Variants in PDXDC1 observed in about 807,000 individuals in gnomAD.
PDXDC1 encodes pyridoxal-dependent decarboxylase domain-containing protein 1.
Under a neutral mutation model 100.1 loss-of-function variants are expected in PDXDC1, and 42 were observed. The ratio of observed to expected loss-of-function variants is 0.42; its 90% CI spans 0.33 to 0.54. The LOEUF (loss-of-function observed/expected upper bound fraction) is 0.54, where lower values mean the gene tolerates loss of function less well. Ranked by LOEUF, PDXDC1 falls within the 20% of genes least tolerant of loss-of-function variation. The pLI, the probability that PDXDC1 is intolerant of heterozygous loss-of-function variation, is 0.10. For missense variants in PDXDC1, 636 were observed against 979.2 expected (o/e 0.65, Z 4.68); for synonymous variants, 260 against 371.7 (o/e 0.70, Z 3.46).
intron 16 of PDXDC1, among the ~76,000 whole-genome samples, chr16:15,086,731 C>T (rs1252000043): frequency 6.6e-6 from 1 of 152,186 alleles, no homozygotes; most frequent in Non-Finnish European, 1.5e-5. Flanking sequence ...AAAGCGAAAT[C>T]ACCTCAAATG....
At chr16:15,066,143 T>C (rs1172769980) in intron 16 of PDXDC1, among the ~76,000 whole-genome samples, 1 of 152,180 alleles carries the variant, frequency 6.6e-6, no homozygotes, top group Non-Finnish European at 1.5e-5. Context: ...ATTTCTGTCC[T>C]GTTAGCCAAG....
chr16:14,977,772 A>T (rs868591093), intron 1 of PDXDC1, among the ~76,000 whole-genome samples: 3 of 152,380 alleles, frequency 2.0e-5, no homozygotes, highest in Middle Eastern at 3.4e-3. Flanking sequence ...TGAGGAATAG[A>T]CTATCCTGCG....
chr16:15,132,687 T>C (rs894196729), intron 16 of PDXDC1: 1 of 773,008 alleles, frequency 1.3e-6, no homozygotes, highest in Admixed American at 2.0e-5. Context: ...CTGGCAGGCA[T>C]GCGGGGCGGG....
chr16:15,038,470 G>A (rs1489429988), downstream of PDXDC1: 10 of 697,068 alleles, frequency 1.4e-5, no homozygotes, highest in African/African-American at 3.6e-5. Flanking sequence ...GTTACTACCC[G>A]CCAAAGGGAA....
At chr16:15,082,520 A>T (rs2045749662) in intron 16 of PDXDC1, among the ~76,000 whole-genome samples, 1 of 151,934 alleles carries the variant, frequency 6.6e-6, no homozygotes, top group South Asian at 2.1e-4. Flanking sequence ...CAAAAACACA[A>T]AAATTAGCGG....
chr16:15,073,104 A>G (rs775439183), intron 16 of PDXDC1: 1 of 1,601,374 alleles, frequency 6.2e-7, no homozygotes, highest in Admixed American at 1.8e-5. Flanking sequence ...CTGGCATCTC[A>G]GTTTTTATAA....
chr16:15,050,588 T>C (rs2044255903), intron 16 of PDXDC1, among the ~76,000 whole-genome samples: 1 of 151,882 alleles, frequency 6.6e-6, no homozygotes, highest in Admixed American at 6.6e-5. Context: ...AAAAATTAGC[T>C]GGGTGTGGTG....
chr16:15,130,273 G>A (rs758084329), intron 16 of PDXDC1: 1 of 1,542,072 alleles, frequency 6.5e-7, no homozygotes, highest in South Asian at 1.2e-5. Flanking sequence ...TGGCGGGTGA[G>A]GCAGACGGCC....
At chr16:15,059,092 C>G (rs2044624477) in intron 16 of PDXDC1, among the ~76,000 whole-genome samples, 1 of 152,224 alleles carries the variant, frequency 6.6e-6, no homozygotes, top group South Asian at 2.1e-4. Flanking sequence ...GTTCTCAAGG[C>G]AGCCTGCACC....
intron 8 of PDXDC1, among the ~76,000 whole-genome samples, chr16:15,014,464 G>A (rs1376764528): frequency 3.3e-5 from 5 of 152,402 alleles, no homozygotes; most frequent in South Asian, 4.1e-4. Context: ...ATCTGCATGC[G>A]ATCCAGGCAC....
At chr16:15,084,169 CAT>C (rs2045821205) in intron 16 of PDXDC1, among the ~76,000 whole-genome samples, 1 of 152,178 alleles carries the variant, frequency 6.6e-6, no homozygotes. Flanking sequence ...TCCCACTACA[CAT>C]GTATATTATT....
At chr16:15,035,608 A>G (rs2043375503) in intron 22 of PDXDC1, 55 bp downstream of exon 22, 1 of 1,024,382 alleles carries the variant, frequency 9.8e-7, no homozygotes. Context: ...GTTGACTGTT[A>G]CTTGCGTTTG....
intron 16 of PDXDC1, chr16:15,061,132 G>A (rs1227541118): frequency 6.6e-6 from 1 of 152,148 alleles, no homozygotes; most frequent in African/African-American, 2.4e-5. Flanking sequence ...TGAAGTCCCT[G>A]GAGATCTTCA....
At chr16:15,124,966 C>T (rs867943555) in intron 16 of PDXDC1, among the ~76,000 whole-genome samples, 4 of 142,904 alleles carry the variant, frequency 2.8e-5, no homozygotes, top group Admixed American at 6.9e-5. Flanking sequence ...CACCAACATG[C>T]TGAAACCCCG....
chr16:15,145,658 C>G, the PDXDC1 span, among the ~76,000 whole-genome samples: 1 of 152,284 alleles, frequency 6.6e-6, no homozygotes, highest in Non-Finnish European at 1.5e-5. Flanking sequence ...AGTGCCTGGG[C>G]ACCCCGGCCC....
intron 16 of PDXDC1, chr16:15,060,241 C>T (rs2044664250): frequency 2.9e-6 from 1 of 341,498 alleles, no homozygotes; most frequent in South Asian, 2.4e-5. Context: ...CTCGTTTTAT[C>T]TAATATTAAA....
chr16:15,041,187 A>T (rs1041769982), downstream of PDXDC1: 21 of 1,073,338 alleles, frequency 2.0e-5, no homozygotes, highest in Non-Finnish European at 2.7e-5. Context: ...TTTACTTTGT[A>T]TAATAAAGGC....
Position 15,001,772 on chromosome 16 carries a change from G to C in PDXDC1, c.162-4G>C. The C allele has an allele frequency of 2.5e-6, 4 of 1,609,064 alleles. No homozygotes were observed. Among genetic ancestry groups the C allele is most frequent in the Non-Finnish European group, 3.4e-6 (4 of 1,178,876 alleles). The stretch of plus-strand genomic sequence containing the variant: ...TCAGCCCATCAACTCTTTTTATTCT[G>C]CAGTGGGCAAGATATGGTGAGCATC... On this transcript the variant is annotated splice_polypyrimidine_tract_variant and splice_region_variant and intron_variant, in intron 3 of 22. Transcript: ENST00000396410.
intron 16 of PDXDC1, among the ~76,000 whole-genome samples, chr16:15,089,668 C>A (rs1022178696): frequency 6.7e-6 from 1 of 148,928 alleles, no homozygotes; most frequent in African/African-American, 2.5e-5. Context: ...GCGGTGGTGG[C>A]GGGCGAGTGT....
Sources: gnomAD v4.1 joint callset for allele counts (sites outside exome capture counted in the v4.1 genomes callset) on GRCh38, gnomAD v4.1.1 for gene constraint, MANE v1.5 for transcripts, NCBI Gene and HGNC (gene_info 2026-07-23, HGNC 2026-07-21) for gene names.